CD36: variants seen among roughly 807,000 people sequenced by gnomAD.
The protein encoded by CD36 is CD36 molecule (CD36 blood group).
A neutral mutation model predicts 55.2 loss-of-function variants in CD36; 119 were observed. The observed-to-expected ratio is 2.15, with a 90% confidence interval of 1.86 to 2.51. The LOEUF (loss-of-function observed/expected upper bound fraction) is 2.51. Ranked by LOEUF, CD36 falls within the 30% of genes most tolerant of loss-of-function variation. The probability of loss-of-function intolerance (pLI) is 0.00; values close to 1 mark genes in which losing one functional copy is unlikely to be tolerated. For missense variants in CD36, 819 were observed against 555.5 expected (o/e 1.47, Z -4.77); for synonymous variants, 186 against 193.6 (o/e 0.96, Z 0.33).
upstream of CD36, chr7:80,638,442 G>A (rs1316462245): frequency 6.6e-6 from 1 of 151,126 alleles, no homozygotes; most frequent in East Asian, 1.9e-4. Context: ...ATAGGTAATG[G>A]GTCTTCACCA....
At chr7:80,672,899 T>G (rs563156262) in intron 12 of CD36, 56 bp downstream of exon 12, 2 of 1,121,234 alleles carry the variant, frequency 1.8e-6, no homozygotes, top group African/African-American at 3.1e-5. Context: ...TAGTATCTTC[T>G]TGTAAGAACA....
chr7:80,612,574 T>C (rs1430927389), intron 1 of CD36, among the ~76,000 whole-genome samples: 1 of 152,210 alleles, frequency 6.6e-6, no homozygotes, highest in Admixed American at 6.5e-5. Context: ...TCTGAAAATA[T>C]GCACCTCTGT....
intron 1 of CD36, among the ~76,000 whole-genome samples, chr7:80,631,853 C>T (rs1027448073): frequency 1.3e-5 from 2 of 151,102 alleles, no homozygotes; most frequent in African/African-American, 4.9e-5. Context: ...ATGTACAAAA[C>T]ACACATATTT....
intron 3 of CD36, among the ~76,000 whole-genome samples, chr7:80,652,238 T>A (rs1207306280): frequency 6.6e-6 from 1 of 152,170 alleles, no homozygotes; most frequent in Non-Finnish European, 1.5e-5. Flanking sequence ...GCATATATGT[T>A]TCTTCTACTA....
Position 80,664,442 on chromosome 7 carries a change from A to C in CD36, c.646A>C (p.Asn216His), listed in dbSNP as rs1796836107. ...TGCAGATGGAGTTTATAAAGTTTTC[A>C]ATGGAAAAGATAACATAAGTAAAGT... is the stretch of plus-strand genomic sequence containing the variant. The part of the protein sequence containing the change: ...NTADGVYKVF[N>H]GKDNISKVAI... Residue 216 changes from asparagine (N) to histidine (H), a missense_variant, in exon 7 of 15, where the codon AAT (asparagine) becomes CAT (histidine). Transcript: ENST00000447544. 1 of 1,580,780 alleles carries C rather than the reference A, an allele frequency of 6.3e-7. No individual in the cohort carries two copies. The highest frequency in any genetic ancestry group is 8.7e-7 in the Non-Finnish European group (1 of 1,149,938).
At chr7:80,607,803 A>T (rs1288592569) in intron 1 of CD36, among the ~76,000 whole-genome samples, 1 of 151,904 alleles carries the variant, frequency 6.6e-6, no homozygotes, top group Non-Finnish European at 1.5e-5. Context: ...ACTGAGTCTC[A>T]CTCTGTCGCC....
At chr7:80,637,567 G>T (rs1388996027), upstream of CD36, among the ~76,000 whole-genome samples, 1 of 150,682 alleles carries the variant, frequency 6.6e-6, no homozygotes, top group Non-Finnish European at 1.5e-5. Flanking sequence ...AGAGTGTTTG[G>T]GGTTTTTTTT....
At chr7:80,658,658 A>G (rs1478370914) in intron 4 of CD36, among the ~76,000 whole-genome samples, 1 of 152,024 alleles carries the variant, frequency 6.6e-6, no homozygotes, top group Non-Finnish European at 1.5e-5. Flanking sequence ...ATACCCAGCT[A>G]ATTTTTATGG....
chr7:80,638,297 C>T (rs1375488956), upstream of CD36, among the ~76,000 whole-genome samples: 3 of 151,596 alleles, frequency 2.0e-5, no homozygotes, highest in Non-Finnish European at 2.9e-5. Context: ...TTACTATTTC[C>T]ACCAGCGGTC....
intron 1 of CD36, among the ~76,000 whole-genome samples, chr7:80,631,684 AGTCTGC>A (rs1794080490): frequency 6.6e-6 from 1 of 151,888 alleles, no homozygotes; most frequent in Non-Finnish European, 1.5e-5. Flanking sequence ...ATAGAATAGT[AGTCTGC>A]CACTTTTCAT....
intron 1 of CD36, among the ~76,000 whole-genome samples, chr7:80,609,861 A>G (rs1248392346): frequency 6.6e-6 from 1 of 152,188 alleles, no homozygotes; most frequent in Non-Finnish European, 1.5e-5. Flanking sequence ...TTGGCTTGTG[A>G]TCTGTTGGTG....
intron 1 of CD36, among the ~76,000 whole-genome samples, chr7:80,642,509 G>T (rs1455546953): frequency 6.6e-6 from 1 of 152,076 alleles, no homozygotes; most frequent in African/African-American, 2.4e-5. Context: ...TTTGTATTTG[G>T]TGCACGTCTT....
intron 3 of CD36, among the ~76,000 whole-genome samples, chr7:80,655,794 C>G (rs1010371174): frequency 6.6e-6 from 1 of 151,664 alleles, no homozygotes; most frequent in African/African-American, 2.4e-5. Context: ...TCTACTAAAA[C>G]TACAAAAACT....
intron 3 of CD36, among the ~76,000 whole-genome samples, chr7:80,654,507 T>C (rs1055889013): frequency 6.6e-6 from 1 of 152,188 alleles, no homozygotes. Flanking sequence ...ATCAACCGTT[T>C]TCAGCTTCTA....
At chr7:80,650,304 G>A (rs984189802) in intron 3 of CD36, among the ~76,000 whole-genome samples, 2 of 152,080 alleles carry the variant, frequency 1.3e-5, no homozygotes, top group Non-Finnish European at 2.9e-5. Context: ...CAACCATGTT[G>A]ACCTTGTTAA....
rs542070940 is a variant in CD36, at chr7:80,611,329, G to A, written c.-184+8950G>A. On this transcript the variant is annotated intron_variant, in intron 1 of 13. Transcript: ENST00000309881. Reference sequence around the variant, plus strand: ...CAGAGGCCCTAACCTCAAAATCGTCGTCCCGTGTCATTTTGCACACCCATA... The same window carrying A: ...CAGAGGCCCTAACCTCAAAATCGTCATCCCGTGTCATTTTGCACACCCATA... Among the ~76,000 whole-genome samples the A allele has an allele frequency of 1.1e-4, 16 of 152,048 alleles. No individual in the cohort carries two copies. The East Asian group carries it at 1.9e-3, about 18-fold the overall frequency.
intron 1 of CD36, among the ~76,000 whole-genome samples, chr7:80,615,106 C>CA (rs1202202513): frequency 6.6e-6 from 1 of 152,082 alleles, no homozygotes; most frequent in African/African-American, 2.4e-5. Context: ...CCCGTTAATC[C>CA]AAACTCTGCC....
chr7:80,665,026 T>G (rs982810440), intron 7 of CD36, among the ~76,000 whole-genome samples: 1 of 152,082 alleles, frequency 6.6e-6, no homozygotes, highest in Non-Finnish European at 1.5e-5. Flanking sequence ...CCCCTGCAAA[T>G]AGTCTTTAAT....
rs1057086208 is a variant in CD36 at position 80,663,155 on chromosome 7, G to A, written c.595G>A (p.Gly199Ser). Residue 199 changes from glycine (G) to serine (S), a missense_variant, in exon 6 of 15, where the codon GGT becomes AGT. Transcript: ENST00000447544. ...TCCGTACCCTGTTACTACCACAGTT[G>A]GTCTGTTTTATCCTGTAAGTACCAA... ...LVPYPVTTTVGLFYPYNNTAD... is the reference protein window; with the variant it reads ...LVPYPVTTTVSLFYPYNNTAD... The A allele has an allele frequency of 7.4e-6, 12 of 1,613,070 alleles. No individual in the cohort carries two copies. Among genetic ancestry groups the A allele is most frequent in the Admixed American group, 3.3e-5 (2 of 59,974 alleles).
Sources: gnomAD v4.1 joint callset for allele counts (sites outside exome capture counted in the v4.1 genomes callset) on GRCh38, gnomAD v4.1.1 for gene constraint, MANE v1.5 for transcripts, NCBI Gene and HGNC (gene_info 2026-07-23, HGNC 2026-07-21) for gene names.